CLCN4: variants seen among roughly 807,000 people sequenced by gnomAD.
The protein encoded by CLCN4 is H(+)/Cl(-) exchange transporter 4.
CLCN4 carries 1 observed loss-of-function variant against 41.7 expected under a neutral mutation model. That is an observed-to-expected ratio of 0.02 (90% CI 0.01 to 0.11). The LOEUF (loss-of-function observed/expected upper bound fraction) is 0.11. Ranked by LOEUF, CLCN4 falls within the 10% of genes least tolerant of loss-of-function variation. The probability of loss-of-function intolerance (pLI) is 1.00; values close to 1 mark genes in which losing one functional copy is unlikely to be tolerated. For missense variants in CLCN4, 287 were observed against 661.0 expected (o/e 0.43, Z 6.20); for synonymous variants, 277 against 285.8 (o/e 0.97, Z 0.31).
intron 11 of CLCN4, 22 bp from the exon 12 acceptor site, chrX:10,220,639 G>A (rs752044951): frequency 8.5e-7 from 1 of 1,177,249 alleles, no homozygotes; most frequent in South Asian, 1.8e-5. Context: ...GTGGCTCATT[G>A]TTCCTGCTCA....
chrX:10,188,065 C>T (rs1258757528), intron 4 of CLCN4, among the ~76,000 whole-genome samples: 1 of 111,829 alleles, frequency 8.9e-6, no homozygotes, highest in Non-Finnish European at 1.9e-5. Context: ...CACAGGCATG[C>T]GCCACCATGC....
chrX:10,197,905 ATGTTTCCTTT>A (rs1186596983), intron 5 of CLCN4, 24 bp from the exon 6 acceptor site: 1 of 1,205,426 alleles, frequency 8.3e-7, no homozygotes, highest in East Asian at 3.0e-5. Context: ...GCTGTGGCTA[ATGTTTCCTTT>A]TGTGTTTTGT....
chrX:10,200,436 G>C (rs1208183236), intron 6 of CLCN4, among the ~76,000 whole-genome samples: 4 of 112,559 alleles, frequency 3.6e-5, no homozygotes, highest in African/African-American at 1.3e-4. Context: ...TTTGACTCAA[G>C]CATTTTGCAA....
chrX:10,209,151 G>A (rs944017622), intron 9 of CLCN4, among the ~76,000 whole-genome samples: 1 of 111,205 alleles, frequency 9.0e-6, no homozygotes, highest in African/African-American at 3.3e-5. Flanking sequence ...CTGGTATGAC[G>A]GGAGCACAGA....
rs747772762 is a variant in CLCN4, at chrX:10,213,991, C to T, written c.1887C>T (p.Thr629=). 2.2e-5 allele frequency: 26 copies of T among 1,209,181 alleles called. No individual in the cohort carries two copies. Among genetic ancestry groups the T allele is most frequent in the Admixed American group, 6.6e-5 (3 of 45,797 alleles). ...VEDVETLIKE[T]DYNGFPVVVS... ...ACGTGGAGACGCTCATCAAGGAGAC[C>T]GACTACAACGGCTTCCCCGTGGTGG... Residue 629 remains threonine (T), a synonymous_variant, in exon 11 of 13, where the codon ACC becomes ACT. Transcript: ENST00000380833.
chrX:10,232,557 TG>T (rs1338227977), intron 12 of CLCN4, among the ~76,000 whole-genome samples: 1 of 112,067 alleles, frequency 8.9e-6, no homozygotes, highest in African/African-American at 3.2e-5. Flanking sequence ...CAAACTTATG[TG>T]GGAATGGAGC....
At chrX:10,167,013 G>A (rs758309031) in intron 2 of CLCN4, among the ~76,000 whole-genome samples, 1 of 112,856 alleles carries the variant, frequency 8.9e-6, no homozygotes, top group East Asian at 2.8e-4. Flanking sequence ...AAGCCAGACT[G>A]TGATTGAAGG....
chrX:10,167,786 C>T lies in CLCN4; in HGVS notation c.-12+9235C>T, dbSNP rs751394890. 6.2e-5 allele frequency among the ~76,000 whole-genome samples: 7 copies of T among 112,875 alleles called. No individual in the cohort carries two copies. The Admixed American group carries it at 6.5e-4, about 11-fold the overall frequency. On this transcript the variant is annotated intron_variant, in intron 2 of 12. Transcript: ENST00000380833. ...ACGCTGAGCCAGAAAGACCCAGCCACACTGCTCCCCACTTCCTGACACATA... is the reference window on the plus strand; with the variant it reads ...ACGCTGAGCCAGAAAGACCCAGCCATACTGCTCCCCACTTCCTGACACATA...
At chrX:10,225,911 T>C (rs928086016) in intron 12 of CLCN4, among the ~76,000 whole-genome samples, 1 of 111,720 alleles carries the variant, frequency 9.0e-6, no homozygotes, top group Non-Finnish European at 1.9e-5. Flanking sequence ...TATGTGGTCT[T>C]ATTTTTGAGA....
chrX:10,200,823 A>G (rs1221289167), intron 6 of CLCN4, among the ~76,000 whole-genome samples: 1 of 111,518 alleles, frequency 9.0e-6, no homozygotes, highest in Non-Finnish European at 1.9e-5. Flanking sequence ...TGAGTAGCTG[A>G]GACTATAGGT....
chrX:10,169,791 CTTT>C (rs768158943), intron 2 of CLCN4, among the ~76,000 whole-genome samples: 2 of 58,547 alleles, frequency 3.4e-5, no homozygotes. Flanking sequence ...CTTTTCTTTT[CTTT>C]TTTTTTTTTT....
chrX:10,207,425 T>C (rs1924425070), intron 8 of CLCN4, among the ~76,000 whole-genome samples: 1 of 112,221 alleles, frequency 8.9e-6, no homozygotes, highest in Admixed American at 9.5e-5. Context: ...GGCCATGCAA[T>C]TTCTGTTGTA....
At chrX:10,220,369 G>T (rs1189235405) in intron 11 of CLCN4, among the ~76,000 whole-genome samples, 2 of 111,852 alleles carry the variant, frequency 1.8e-5, no homozygotes, top group Non-Finnish European at 3.8e-5. Context: ...GGGGTGCCCG[G>T]AGTCTGCGGT....
intron 11 of CLCN4, among the ~76,000 whole-genome samples, 190 bp downstream of exon 11, chrX:10,214,269 G>A (rs1602161122): frequency 8.9e-6 from 1 of 112,432 alleles, no homozygotes; most frequent in Non-Finnish European, 1.9e-5. Flanking sequence ...GGTGGGATCC[G>A]ATACTACATC....
At chrX:10,222,216 G>C (rs1475317898) in intron 12 of CLCN4, among the ~76,000 whole-genome samples, 1 of 112,167 alleles carries the variant, frequency 8.9e-6, no homozygotes, top group East Asian at 2.8e-4. Context: ...AGTAGCACCA[G>C]AGAAGCAGTT....
chrX:10,217,196 G>A (rs1924747874), intron 11 of CLCN4, among the ~76,000 whole-genome samples: 4 of 108,739 alleles, frequency 3.7e-5, no homozygotes, highest in South Asian at 4.1e-4. Context: ...TACCCACTGG[G>A]CTCAAGCAGT....
intron 6 of CLCN4, among the ~76,000 whole-genome samples, chrX:10,199,729 T>G (rs764199714): frequency 8.9e-6 from 1 of 112,186 alleles, no homozygotes; most frequent in South Asian, 3.6e-4. Flanking sequence ...TGCATTTTCT[T>G]TTTTTCTTTT....
intron 11 of CLCN4, among the ~76,000 whole-genome samples, chrX:10,216,423 C>G (rs182816734): frequency 3.6e-5 from 4 of 111,565 alleles, no homozygotes; most frequent in South Asian, 3.7e-4. Context: ...GCCTTTACCT[C>G]TCATTGCTCT....
intron 5 of CLCN4, among the ~76,000 whole-genome samples, chrX:10,197,198 C>T (rs1353409270): frequency 8.9e-6 from 1 of 112,405 alleles, no homozygotes; most frequent in African/African-American, 3.2e-5. Context: ...GTTTTTGGTT[C>T]AGAAAACCTT....
Sources: gnomAD v4.1 joint callset for allele counts (sites outside exome capture counted in the v4.1 genomes callset) on GRCh38, gnomAD v4.1.1 for gene constraint, MANE v1.5 for transcripts, NCBI Gene and HGNC (gene_info 2026-07-23, HGNC 2026-07-21) for gene names.